Variants in PPM1L observed in about 807,000 individuals in gnomAD.
PPM1L encodes the protein protein phosphatase, Mg2+/Mn2+ dependent 1L, also known as protein phosphatase 1L.
PPM1L carries 13 observed loss-of-function variants against 31.4 expected under a neutral mutation model. That is an observed-to-expected ratio of 0.41 (90% CI 0.27 to 0.66). The LOEUF is 0.66. Ranked by LOEUF, PPM1L falls within the 30% of genes least tolerant of loss-of-function variation. PPM1L has a pLI of 0.29. For missense variants in PPM1L, 326 were observed against 453.7 expected (o/e 0.72, Z 2.56); for synonymous variants, 184 against 175.4 (o/e 1.05, Z -0.39).
intron 2 of PPM1L, among the ~76,000 whole-genome samples, chr3:160,973,565 C>A (rs929450658): frequency 3.9e-5 from 6 of 152,100 alleles, no homozygotes; most frequent in African/African-American, 1.4e-4. Context: ...GCCAGGATTT[C>A]TAATGTATTG....
intron 2 of PPM1L, among the ~76,000 whole-genome samples, chr3:161,040,606 A>T (rs1163288800): frequency 2.0e-5 from 3 of 152,194 alleles, no homozygotes; most frequent in African/African-American, 4.8e-5. Flanking sequence ...ACTATTAATT[A>T]ATCACAAAAA....
At chr3:160,821,381 G>C (rs1713197920) in intron 1 of PPM1L, among the ~76,000 whole-genome samples, 1 of 151,718 alleles carries the variant, frequency 6.6e-6, no homozygotes, top group African/African-American at 2.4e-5. Context: ...CCCATATTTT[G>C]TTTTGTTGGT....
At chr3:160,955,901 G>A (rs971641654) in intron 1 of PPM1L, among the ~76,000 whole-genome samples, 1 of 151,994 alleles carries the variant, frequency 6.6e-6, no homozygotes, top group East Asian at 1.9e-4. Context: ...TGATCCGCCC[G>A]CCTCAGCCTC....
intron 1 of PPM1L, among the ~76,000 whole-genome samples, chr3:160,915,242 C>T (rs972342247): frequency 5.3e-5 from 8 of 152,098 alleles, no homozygotes; most frequent in Non-Finnish European, 7.3e-5. Flanking sequence ...GCAAAAATCA[C>T]GAGCATTCTT....
chr3:161,010,733 G>T (rs1283608988), intron 2 of PPM1L, among the ~76,000 whole-genome samples: 1 of 152,148 alleles, frequency 6.6e-6, no homozygotes, highest in African/African-American at 2.4e-5. Context: ...GTGTGAGATG[G>T]TATCTCATTT....
At chr3:160,886,714 G>T (rs1422653494) in intron 1 of PPM1L, among the ~76,000 whole-genome samples, 1 of 152,060 alleles carries the variant, frequency 6.6e-6, no homozygotes, top group Non-Finnish European at 1.5e-5. Flanking sequence ...AGGGTCAGTA[G>T]CTTCAAAGAT....
intron 2 of PPM1L, among the ~76,000 whole-genome samples, chr3:161,028,895 C>G (rs1454201109): frequency 6.6e-6 from 1 of 152,134 alleles, no homozygotes; most frequent in East Asian, 1.9e-4. Flanking sequence ...TAGCAGTAAT[C>G]TTGATGAACT....
chr3:160,771,543 CTTTTTTTTT>C (rs745978148), intron 1 of PPM1L, among the ~76,000 whole-genome samples: 15 of 77,398 alleles, frequency 1.9e-4, no homozygotes, highest in African/African-American at 4.6e-4. Flanking sequence ...AAGGCTGGCT[CTTTTTTTTT>C]TTTTTTTTTT....
At chr3:160,913,421 C>T (rs1159691860) in intron 1 of PPM1L, among the ~76,000 whole-genome samples, 2 of 152,060 alleles carry the variant, frequency 1.3e-5, no homozygotes, top group Non-Finnish European at 2.9e-5. Context: ...CATAATTTAT[C>T]CACAGTAAAA....
intron 1 of PPM1L, among the ~76,000 whole-genome samples, chr3:160,785,998 A>G (rs975759108): frequency 3.3e-5 from 5 of 150,952 alleles, no homozygotes; most frequent in African/African-American, 1.2e-4. Context: ...AAAAAAATCT[A>G]AAGGGGGTTG....
intron 2 of PPM1L, among the ~76,000 whole-genome samples, chr3:160,975,552 G>A (rs1024086225): frequency 6.6e-6 from 1 of 152,030 alleles, no homozygotes; most frequent in Non-Finnish European, 1.5e-5. Flanking sequence ...ATTTCCTTGA[G>A]CAGTGGTTTG....
chr3:160,843,090 T>G (rs1713941413), intron 1 of PPM1L, among the ~76,000 whole-genome samples: 1 of 152,056 alleles, frequency 6.6e-6, no homozygotes, highest in African/African-American at 2.4e-5. Context: ...ATTCTTTTTT[T>G]TAAAAAAAAT....
chr3:160,921,652 C>T (rs1714410835), intron 1 of PPM1L, among the ~76,000 whole-genome samples: 1 of 152,026 alleles, frequency 6.6e-6, no homozygotes, highest in African/African-American at 2.4e-5. Flanking sequence ...TTTAATAAAT[C>T]AAATCTATAA....
At chr3:160,970,006 G>A (rs1716270484) in intron 2 of PPM1L, among the ~76,000 whole-genome samples, 1 of 152,000 alleles carries the variant, frequency 6.6e-6, no homozygotes, top group Non-Finnish European at 1.5e-5. Context: ...AATTATTTAT[G>A]CCAAATTTTA....
chr3:161,059,738 C>T (rs541307773), intron 2 of PPM1L, among the ~76,000 whole-genome samples: 31 of 152,040 alleles, frequency 2.0e-4, no homozygotes, highest in African/African-American at 5.5e-4. Flanking sequence ...ATCCTGGGGG[C>T]GGTTTCTCAT....
chr3:160,798,136 C>G (rs1287969814), intron 1 of PPM1L, among the ~76,000 whole-genome samples: 1 of 152,078 alleles, frequency 6.6e-6, no homozygotes, highest in Non-Finnish European at 1.5e-5. Flanking sequence ...CGAGATCACG[C>G]CATTGCACTC....
At chr3:160,817,071 A>G (rs1202096074) in intron 1 of PPM1L, among the ~76,000 whole-genome samples, 1 of 152,104 alleles carries the variant, frequency 6.6e-6, no homozygotes, top group Non-Finnish European at 1.5e-5. Flanking sequence ...ACAAGGAGGA[A>G]AACATGTGGA....
At chr3:160,807,078 T>C (rs1331740978) in intron 1 of PPM1L, among the ~76,000 whole-genome samples, 1 of 152,184 alleles carries the variant, frequency 6.6e-6, no homozygotes, top group African/African-American at 2.4e-5. Context: ...CTCTGGTGAT[T>C]CCAGTGTGCA....
At chr3:160,794,764 T>C (rs1051244315) in intron 1 of PPM1L, among the ~76,000 whole-genome samples, 4 of 152,124 alleles carry the variant, frequency 2.6e-5, no homozygotes, top group African/African-American at 9.7e-5. Flanking sequence ...TACGCTAACA[T>C]GATAGCTGGT....
Sources: gnomAD v4.1 joint callset for allele counts (sites outside exome capture counted in the v4.1 genomes callset) on GRCh38, gnomAD v4.1.1 for gene constraint, MANE v1.5 for transcripts, NCBI Gene and HGNC (gene_info 2026-07-23, HGNC 2026-07-21) for gene names.